PPARGC1A: variants seen among roughly 807,000 people sequenced by gnomAD.
PPARGC1A encodes peroxisome proliferator-activated receptor gamma coactivator 1-alpha.
In PPARGC1A, 25 loss-of-function variants were observed where a neutral mutation model predicts 88.7. The observed-to-expected ratio is 0.28, with a 90% confidence interval of 0.21 to 0.39. The LOEUF (loss-of-function observed/expected upper bound fraction) is 0.39. Ranked by LOEUF, PPARGC1A falls within the 10% of genes least tolerant of loss-of-function variation. The pLI, the probability that PPARGC1A is intolerant of heterozygous loss-of-function variation, is 1.00. For missense variants in PPARGC1A, 880 were observed against 968.7 expected (o/e 0.91, Z 1.22); for synonymous variants, 363 against 355.6 (o/e 1.02, Z -0.24).
intron 7 of PPARGC1A, among the ~76,000 whole-genome samples, chr4:23,821,906 T>TA (rs1262555091): frequency 6.6e-6 from 1 of 152,106 alleles, no homozygotes; most frequent in Non-Finnish European, 1.5e-5. Flanking sequence ...ATCTGCTCTT[T>TA]AAAATCACGA....
upstream of PPARGC1A, among the ~76,000 whole-genome samples, chr4:23,891,282 T>A (rs924257443): frequency 2.0e-5 from 3 of 152,220 alleles, no homozygotes; most frequent in Non-Finnish European, 2.9e-5. Flanking sequence ...TGTATCTGTG[T>A]GAATAAACAT....
In PPARGC1A at chr4:23,814,388, A is replaced by T; in HGVS notation, c.1095T>A (p.Thr365=). ...YAQLSKSSVL[T]GGHEERKTKR... ...TGGTCTTCCTTTCCTCGTGTCCACC[A>T]GTGAGGACTGAGGACTTGCTGAGTT... Residue 365 remains threonine (T), a synonymous_variant, in exon 8 of 13, where the codon ACT becomes ACA. Coordinates refer to ENST00000264867, the MANE Select transcript of PPARGC1A (RefSeq NM_013261.5). The T allele has an allele frequency of 6.2e-7, 1 of 1,613,870 alleles. No individual in the cohort carries two copies. The highest frequency in any genetic ancestry group is 8.5e-7 in the Non-Finnish European group (1 of 1,179,980).
the PPARGC1A span, among the ~76,000 whole-genome samples, chr4:24,145,136 T>C: frequency 6.6e-6 from 1 of 151,608 alleles, no homozygotes; most frequent in Non-Finnish European, 1.5e-5. Flanking sequence ...TATATATGCA[T>C]GCCAGGCACA....
At chr4:24,075,873 C>T in the PPARGC1A span, among the ~76,000 whole-genome samples, 1 of 152,090 alleles carries the variant, frequency 6.6e-6, no homozygotes, top group Non-Finnish European at 1.5e-5. Flanking sequence ...TGAGAACAGA[C>T]TAACACATAC....
chr4:23,955,985 A>T, the PPARGC1A span, among the ~76,000 whole-genome samples: 2 of 152,132 alleles, frequency 1.3e-5, no homozygotes, highest in African/African-American at 4.8e-5. Flanking sequence ...GTAAATCAAA[A>T]GCAGCGATAG....
the PPARGC1A span, among the ~76,000 whole-genome samples, chr4:24,165,191 A>C: frequency 6.6e-6 from 1 of 152,144 alleles, no homozygotes; most frequent in Non-Finnish European, 1.5e-5. Flanking sequence ...AAAAATTAAA[A>C]AATTTTAATT....
chr4:24,176,607 T>G, the PPARGC1A span, among the ~76,000 whole-genome samples: 1 of 151,942 alleles, frequency 6.6e-6, no homozygotes, highest in African/African-American at 2.4e-5. Context: ...AGCCCTGGAG[T>G]GTGAAGAGCC....
At chr4:24,177,252 T>G in the PPARGC1A span, among the ~76,000 whole-genome samples, 1 of 152,012 alleles carries the variant, frequency 6.6e-6, no homozygotes, top group East Asian at 1.9e-4. Flanking sequence ...ATTAAGAAAA[T>G]GTGGCACATA....
the PPARGC1A span, among the ~76,000 whole-genome samples, chr4:24,081,117 A>C: frequency 6.6e-6 from 1 of 152,140 alleles, no homozygotes; most frequent in African/African-American, 2.4e-5. Flanking sequence ...CACCAAAATC[A>C]ATTACTAATG....
chr4:24,412,606 G>A, the PPARGC1A span, among the ~76,000 whole-genome samples: 1 of 152,054 alleles, frequency 6.6e-6, no homozygotes, highest in Non-Finnish European at 1.5e-5. Context: ...TCAGCCTCCC[G>A]AGTAGCTGGG....
the PPARGC1A span, among the ~76,000 whole-genome samples, chr4:24,120,471 C>T: frequency 1.3e-5 from 2 of 152,290 alleles, no homozygotes; most frequent in African/African-American, 4.8e-5. Flanking sequence ...GTTTAACCCC[C>T]ATAAAGACTT....
chr4:24,052,286 A>G, the PPARGC1A span, among the ~76,000 whole-genome samples: 7 of 152,188 alleles, frequency 4.6e-5, no homozygotes, highest in Non-Finnish European at 1.0e-4. Context: ...GTGTTTAGAA[A>G]AGCTGAACTT....
chr4:24,173,411 C>A, the PPARGC1A span, among the ~76,000 whole-genome samples: 1 of 150,404 alleles, frequency 6.6e-6, no homozygotes, highest in Non-Finnish European at 1.5e-5. Flanking sequence ...CTCCGATGAA[C>A]TACAGCCAGG....
the PPARGC1A span, among the ~76,000 whole-genome samples, chr4:24,270,333 C>G: frequency 0.94 from 140,092 of 149,240 alleles, 65,832 homozygotes; most frequent in East Asian, 1. Flanking sequence ...CTCTCTCTCT[C>G]TGTGTGTGTG....
the PPARGC1A span, among the ~76,000 whole-genome samples, chr4:24,169,007 G>A: frequency 6.6e-6 from 1 of 152,176 alleles, no homozygotes; most frequent in African/African-American, 2.4e-5. Context: ...TAACTGTGCA[G>A]TGAAGAAATC....
chr4:24,365,644 A>T, the PPARGC1A span, among the ~76,000 whole-genome samples: 2 of 152,234 alleles, frequency 1.3e-5, no homozygotes, highest in Non-Finnish European at 2.9e-5. Context: ...TTATTAGATT[A>T]TTAAATGTAC....
At chr4:24,219,130 T>G in the PPARGC1A span, among the ~76,000 whole-genome samples, 1 of 152,162 alleles carries the variant, frequency 6.6e-6, no homozygotes, top group Non-Finnish European at 1.5e-5. Flanking sequence ...GGCAGAAAGG[T>G]GAGTACACAG....
chr4:24,118,151 A>G, the PPARGC1A span, among the ~76,000 whole-genome samples: 1 of 152,144 alleles, frequency 6.6e-6, no homozygotes, highest in Admixed American at 6.5e-5. Context: ...TGCAGGCCAC[A>G]TAAACCATTA....
At chr4:23,945,427 C>G in the PPARGC1A span, among the ~76,000 whole-genome samples, 1 of 151,900 alleles carries the variant, frequency 6.6e-6, no homozygotes, top group African/African-American at 2.4e-5. Context: ...AGCTGAGAGA[C>G]AAGGGAAAAA....
Sources: gnomAD v4.1 joint callset for allele counts (sites outside exome capture counted in the v4.1 genomes callset) on GRCh38, gnomAD v4.1.1 for gene constraint, MANE v1.5 for transcripts, NCBI Gene and HGNC (gene_info 2026-07-23, HGNC 2026-07-21) for gene names.